Variants in OGFOD1 observed in about 807,000 individuals in gnomAD.
OGFOD1 encodes the protein prolyl 3-hydroxylase OGFOD1.
Under a neutral mutation model 67.7 loss-of-function variants are expected in OGFOD1, and 54 were observed. The observed-to-expected ratio is 0.80, with a 90% CI of 0.64 to 1.00. The LOEUF (loss-of-function observed/expected upper bound fraction) is 1.00, where lower values mean the gene tolerates loss of function less well. Ranked by LOEUF, OGFOD1 falls within the 50% of genes least tolerant of loss-of-function variation. OGFOD1 has a pLI of 0.00. For missense variants in OGFOD1, 606 were observed against 646.7 expected (o/e 0.94, Z 0.68); for synonymous variants, 221 against 227.0 (o/e 0.97, Z 0.24).
In OGFOD1 at chr16:56,470,539, A is replaced by G; in HGVS notation, c.1033A>G (p.Met345Val). The G allele has an allele frequency of 1.2e-6, 2 of 1,614,146 alleles. No individual in the cohort carries two copies. The highest frequency in any genetic ancestry group is 1.7e-5 in the Admixed American group (1 of 60,010). Residue 345 changes from methionine (M) to valine (V), a missense_variant, in exon 10 of 13, where the codon ATG becomes GTG. Transcript: ENST00000566157. ...SKLPEILKEC[M>V]KLFRSEALFL... ...GCTTCCTGAGATATTGAAGGAGTGCATGAAGTTATTTCGCTCTGAGGCACT... is the reference window on the plus strand; with the variant it reads ...GCTTCCTGAGATATTGAAGGAGTGCGTGAAGTTATTTCGCTCTGAGGCACT...
chr16:56,477,571 G>A lies in OGFOD1; in HGVS notation c.*1366G>A, dbSNP rs1219145831. On this transcript the variant is annotated 3_prime_UTR_variant, in exon 13 of 13. Transcript: ENST00000566157. ...TGCTTTTTATTTTAAGAGACGGAAT[G>A]CTAAAACCACATCAGAATGCCAAGA... 6.6e-6 allele frequency: 1 copy of A among 152,176 alleles called. No homozygotes were observed. Among genetic ancestry groups the A allele is most frequent in the African/African-American group, 2.4e-5 (1 of 41,426 alleles). The allele number at this position is 152,176 out of a possible 1,614,324, so 9.4% of individuals were successfully genotyped here.
rs1963074448 is a variant in OGFOD1 at position 56,469,859 on chromosome 16, A to C, written c.901-144A>C. The C allele has an allele frequency of 1.1e-4, 66 of 607,128 alleles. No homozygotes were observed. The South Asian group carries it at 1.4e-3, about 13-fold the overall frequency. 37.6% of individuals were successfully genotyped at this position (607,128 alleles called of 1,614,324 possible). On this transcript the variant is annotated intron_variant, in intron 8 of 12. Coordinates refer to ENST00000566157, the MANE Select transcript of OGFOD1 (RefSeq NM_018233.4). ...GAGTGAAACTCCATCTCAAAAAAAA[A>C]AAAAAAAAAAAAAAGGAATGAGAGT...
intron 4 of OGFOD1, among the ~76,000 whole-genome samples, chr16:56,463,574 C>T (rs781531513): frequency 1.3e-5 from 2 of 151,444 alleles, no homozygotes; most frequent in Non-Finnish European, 2.9e-5. Context: ...AGGCATATGC[C>T]ACAATGCCTG....
intron 3 of OGFOD1, among the ~76,000 whole-genome samples, chr16:56,459,902 C>T (rs1962654785): frequency 1.3e-5 from 2 of 151,922 alleles, no homozygotes; most frequent in East Asian, 1.9e-4. Context: ...TAGTTTTTTA[C>T]TTACATGGGA....
At chr16:56,452,735 G>A (rs962327092) in intron 1 of OGFOD1, among the ~76,000 whole-genome samples, 8 of 152,276 alleles carry the variant, frequency 5.3e-5, no homozygotes, top group Non-Finnish European at 1.2e-4. Context: ...ATTACAGGAT[G>A]GTGATCTAGC....
Position 56,474,843 on chromosome 16 carries a change from T to C in OGFOD1, c.1301T>C (p.Met434Thr). The C allele has an allele frequency of 6.2e-7, 1 of 1,611,224 alleles. No homozygotes were observed. The highest frequency in any genetic ancestry group is 8.5e-7 in the Non-Finnish European group (1 of 1,178,694). The change falls in exon 11 of 13, where the codon ATG (methionine) becomes ACG (threonine). Residue 434 changes from methionine to threonine, a missense_variant. Met to Thr is a moderately conservative substitution (Grantham distance 81). Transcript: ENST00000566157. ...TTTTCCTTAGAATCAAGTGTTCCCATGTGCCAAGGGGAACTGAGGCATTGG... is the reference window on the plus strand; with the variant it reads ...TTTTCCTTAGAATCAAGTGTTCCCACGTGCCAAGGGGAACTGAGGCATTGG... The part of the protein sequence containing the change: ...NETKKESSVP[M>T]CQGELRHWKT...
In OGFOD1 at chr16:56,464,712, A is replaced by G. The variant is rs117101879; in HGVS notation, c.449-1440A>G. On this transcript the variant is annotated intron_variant, in intron 4 of 12. Coordinates refer to ENST00000566157, the MANE Select transcript of OGFOD1 (RefSeq NM_018233.4). Reference sequence around the variant, plus strand: ...TTCTGCGTTCTTTTGCTATGTCCCCATCATTCTTTTTTTTTTCCTACTTTC... The same window carrying G: ...TTCTGCGTTCTTTTGCTATGTCCCCGTCATTCTTTTTTTTTTCCTACTTTC... Among the ~76,000 whole-genome samples the G allele has an allele frequency of 3.2e-3, 476 of 150,726 alleles. 13 individuals carry two copies. The South Asian group carries it at 0.057, about 18-fold the overall frequency.
chr16:56,454,585 G>C (rs1962455784), intron 2 of OGFOD1, among the ~76,000 whole-genome samples: 1 of 151,090 alleles, frequency 6.6e-6, no homozygotes, highest in Admixed American at 6.6e-5. Flanking sequence ...CCCCAGTTTG[G>C]GGGTATATCT....
rs182879553 is a variant in OGFOD1 at position 56,476,353 on chromosome 16, A to G, written c.*148A>G. Reference sequence around the variant, plus strand: ...TTGTCTTTTACTAGGACTCATAATGATTGTCCTCAACCGAGACCTTGAGCT... The same window carrying G: ...TTGTCTTTTACTAGGACTCATAATGGTTGTCCTCAACCGAGACCTTGAGCT... On this transcript the variant is annotated 3_prime_UTR_variant, in exon 13 of 13. Transcript: ENST00000566157. 8.2e-6 allele frequency: 5 copies of G among 611,754 alleles called. No individual in the cohort carries two copies. In the East Asian group the frequency reaches 1.5e-4, roughly 19 times the overall value. The allele number at this position is 611,754 out of a possible 1,614,324, so 37.9% of individuals were successfully genotyped here.
At chr16:56,454,922 G>A in intron 2 of OGFOD1, 1 of 247,718 alleles carries the variant, frequency 4.0e-6, no homozygotes. Context: ...GCTTTCCATG[G>A]TAAGGTTGCA....
rs761254217 is a variant in OGFOD1, at chr16:56,475,571, TTTC to T, written c.1467+11_1467+13del. On this transcript the variant is annotated splice_region_variant and intron_variant, in intron 12 of 12. Coordinates refer to ENST00000566157, the MANE Select transcript of OGFOD1 (RefSeq NM_018233.4). ...CCAAAGGTGAAGATGAAGAGGTAAG[TTTC>T]TTCTGATAGCAAACTATCATTTTTA... The T allele has an allele frequency of 2.0e-4, 315 of 1,612,528 alleles. No individual in the cohort carries two copies. In the African/African-American group the frequency reaches 3.6e-3, roughly 19 times the overall value.
rs1963544563 is a variant in OGFOD1, at chr16:56,477,753, C to T, written c.*1548C>T. ...TTCTCTTTTTTACATTTATTTTTAG[C>T]TTTTGCAGTAGTGTTTAGTGTGGGT... On this transcript the variant is annotated 3_prime_UTR_variant, in exon 13 of 13. Coordinates refer to ENST00000566157, the MANE Select transcript of OGFOD1 (RefSeq NM_018233.4). 6.6e-6 allele frequency: 1 copy of T among 152,080 alleles called. No individual in the cohort carries two copies. The highest frequency in any genetic ancestry group is 6.6e-5 in the Admixed American group (1 of 15,258). The allele number at this position is 152,080 out of a possible 1,614,324, so 9.4% of individuals were successfully genotyped here. A position where few individuals can be genotyped will look rare whatever the true frequency, so the allele number is the denominator to read the frequency against.
chr16:56,461,310 G>C (rs1962703007), intron 3 of OGFOD1, among the ~76,000 whole-genome samples: 1 of 152,144 alleles, frequency 6.6e-6, no homozygotes, highest in African/African-American at 2.4e-5. Context: ...CCTAACCAAA[G>C]GAGTTCAGGA....
intron 3 of OGFOD1, among the ~76,000 whole-genome samples, chr16:56,460,630 T>A (rs1266594953): frequency 6.6e-6 from 1 of 152,220 alleles, no homozygotes; most frequent in Non-Finnish European, 1.5e-5. Context: ...TTTAAGCTTG[T>A]TCGCAGCTGA....
intron 3 of OGFOD1, among the ~76,000 whole-genome samples, chr16:56,460,172 A>C (rs1024716970): frequency 3.3e-5 from 5 of 152,224 alleles, no homozygotes; most frequent in African/African-American, 9.6e-5. Flanking sequence ...TTAGTTCACA[A>C]CACCACTCTG....
At position 56,466,301 on chromosome 16, in the gene OGFOD1, C is replaced by A; in HGVS notation, c.565+33C>A. 3.0e-6 allele frequency: 4 copies of A among 1,340,574 alleles called. No homozygotes were observed. In the African/African-American group the frequency reaches 4.3e-5, roughly 14 times the overall value. 83.0% of individuals were successfully genotyped at this position (1,340,574 alleles called of 1,614,324 possible). ...AAGTATAAGTGCATGCACTTCACCA[C>A]CAGTGGCACTTCTGAGTTAAAGCTG... is the stretch of plus-strand genomic sequence containing the variant. On this transcript the variant is annotated intron_variant, in intron 5 of 12. Transcript: ENST00000566157.
Position 56,477,649 on chromosome 16 carries a change from T to C in OGFOD1, c.*1444T>C, listed in dbSNP as rs1235279348. 6.6e-6 allele frequency: 1 copy of C among 152,222 alleles called. No individual in the cohort carries two copies. Among genetic ancestry groups the C allele is most frequent in the Non-Finnish European group, 1.5e-5 (1 of 68,036 alleles). 9.4% of individuals were successfully genotyped at this position (152,222 alleles called of 1,614,324 possible). On this transcript the variant is annotated 3_prime_UTR_variant, in exon 13 of 13. Coordinates refer to ENST00000566157, the MANE Select transcript of OGFOD1 (RefSeq NM_018233.4). ...TGAACTGTTCCAGGGAGTTACATCATAATTACCTGTGTGTGGGTATGCATG... is the reference window on the plus strand; with the variant it reads ...TGAACTGTTCCAGGGAGTTACATCACAATTACCTGTGTGTGGGTATGCATG...
intron 3 of OGFOD1, chr16:56,459,042 T>C (rs988865845): frequency 8.5e-5 from 14 of 164,464 alleles, no homozygotes; most frequent in Non-Finnish European, 1.6e-4. Flanking sequence ...GTTTCACTTA[T>C]AAGAATTTAT....
intron 10 of OGFOD1, among the ~76,000 whole-genome samples, chr16:56,473,960 C>T (rs946281249): frequency 6.6e-6 from 1 of 152,220 alleles, no homozygotes; most frequent in South Asian, 2.1e-4. Context: ...GCACACGCCA[C>T]CATGCTCAGC....
Sources: gnomAD v4.1 joint callset for allele counts (sites outside exome capture counted in the v4.1 genomes callset) on GRCh38, gnomAD v4.1.1 for gene constraint, MANE v1.5 for transcripts, NCBI Gene and HGNC (gene_info 2026-07-23, HGNC 2026-07-21) for gene names.